The following FAM13C variants were observed in gnomAD, a reference collection of about 807,000 sequenced individuals.
FAM13C encodes family with sequence similarity 13 member C, also known as protein FAM13C.
FAM13C carries 37 observed loss-of-function variants against 73.2 expected under a neutral mutation model. That is an observed-to-expected ratio of 0.51 (90% confidence interval 0.39 to 0.67). The LOEUF is 0.67. Among genes scored for constraint, FAM13C ranks in the 30% least tolerant of loss-of-function variants. The pLI is 0.00. For synonymous variants in FAM13C, 246 were observed against 260.9 expected, an observed-to-expected ratio of 0.94 and a Z score of 0.55; for missense variants, 589 against 715.6, an observed-to-expected ratio of 0.82 and a Z score of 2.02.
At chr10:59,355,662 A>G (rs570346943) in intron 2 of FAM13C, among the ~76,000 whole-genome samples, 2 of 152,358 alleles carry the variant, frequency 1.3e-5, no homozygotes, top group East Asian at 3.9e-4. Context: ...ACAGGCATTT[A>G]TCAAGTGTTC....
chr10:59,340,445 C>T (rs1487830888), intron 3 of FAM13C, among the ~76,000 whole-genome samples: 1 of 152,130 alleles, frequency 6.6e-6, no homozygotes, highest in East Asian at 1.9e-4. Flanking sequence ...ATCCTGGAGA[C>T]AGCAAGGCTG....
rs571149836 is a variant in FAM13C, at chr10:59,287,838, G to A, written c.508-4391C>T. On this transcript the variant is annotated intron_variant, in intron 5 of 13. Transcript: ENST00000618804. ...CTATCTCCAAACCCCAAAGGCTGCC[G>A]GATAGAGCTCTGGCCATGTGGCAAG... Among the ~76,000 whole-genome samples the A allele has an allele frequency of 6.6e-5, 10 of 152,308 alleles. No homozygotes were observed. In the East Asian group the frequency reaches 9.6e-4, roughly 15 times the overall value.
intron 4 of FAM13C, among the ~76,000 whole-genome samples, chr10:59,311,710 G>A (rs1213436443): frequency 6.6e-6 from 1 of 152,224 alleles, no homozygotes; most frequent in East Asian, 1.9e-4. Context: ...TCCCCTGGGA[G>A]CAGCCCGCAG....
Position 59,246,353 on chromosome 10 carries a change from AG to A in FAM13C, c.*1260del. 1 of 243,028 alleles carries A rather than the reference AG, an allele frequency of 4.1e-6. No homozygotes were observed. Among genetic ancestry groups the A allele is most frequent in the Non-Finnish European group, 7.8e-6 (1 of 127,940 alleles). 15.1% of individuals were successfully genotyped at this position (243,028 alleles called of 1,614,324 possible). On this transcript the variant is annotated 3_prime_UTR_variant, in exon 14 of 14. Coordinates refer to ENST00000618804, the MANE Select transcript of FAM13C (RefSeq NM_198215.4). ...GAAGGACATTATTCTGATTCATAAAAGTTATAAAATATTAGGTAAATACAGA... is the reference window on the plus strand; with the variant it reads ...GAAGGACATTATTCTGATTCATAAAATTATAAAATATTAGGTAAATACAGA...
intron 6 of FAM13C, among the ~76,000 whole-genome samples, chr10:59,277,376 A>G (rs1844437376): frequency 6.6e-6 from 1 of 152,214 alleles, no homozygotes; most frequent in African/African-American, 2.4e-5. Context: ...ATTTTTTTAA[A>G]TTGAGATCAT....
At chr10:59,308,100 A>T (rs181851488) in intron 4 of FAM13C, among the ~76,000 whole-genome samples, 1 of 152,170 alleles carries the variant, frequency 6.6e-6, no homozygotes, top group Non-Finnish European at 1.5e-5. Context: ...CCAAAACAAT[A>T]ATAGGAAAGT....
rs1841384292 is a variant in FAM13C, at chr10:59,251,616, G to A, written c.1593C>T (p.Ala531=). 6.2e-7 allele frequency: 1 copy of A among 1,613,222 alleles called. No homozygotes were observed. ...TRADKKRLRK[A]LREFEEQFFK... The stretch of plus-strand genomic sequence containing the variant: ...AAAACTGTTCTTCAAATTCTCTTAA[G>A]GCTTTCCGCAGTCTCTTCTTGTCAG... Residue 531 remains alanine (A), a synonymous_variant, in exon 13 of 14, where the codon GCC becomes GCT. Transcript: ENST00000618804.
intron 3 of FAM13C, 55 bp downstream of exon 3, chr10:59,352,202 CCAGAACCGTGTGG>C: frequency 6.3e-7 from 1 of 1,575,298 alleles, no homozygotes; most frequent in East Asian, 2.2e-5. Context: ...AAATCGTCTG[CCAGAACCGTGTGG>C]CCTAGCCTAA....
At chr10:59,331,138 G>C (rs1336587182) in intron 3 of FAM13C, among the ~76,000 whole-genome samples, 1 of 152,208 alleles carries the variant, frequency 6.6e-6, no homozygotes, top group Non-Finnish European at 1.5e-5. Context: ...TGGCAATGGT[G>C]GTGGGGGATG....
intron 5 of FAM13C, among the ~76,000 whole-genome samples, chr10:59,293,903 C>T (rs185895673): frequency 1.3e-5 from 2 of 152,304 alleles, no homozygotes; most frequent in Admixed American, 1.3e-4. Flanking sequence ...TCAAAGGTCA[C>T]AGCTCTCAGG....
At chr10:59,303,059 T>C (rs1406574506) in intron 4 of FAM13C, among the ~76,000 whole-genome samples, 195 bp from the exon 5 acceptor site, 1 of 152,146 alleles carries the variant, frequency 6.6e-6, no homozygotes, top group Non-Finnish European at 1.5e-5. Flanking sequence ...ACAGCCTCCC[T>C]GGTCCCCTCT....
chr10:59,292,605 C>T (rs1426784602), intron 5 of FAM13C, among the ~76,000 whole-genome samples: 1 of 152,196 alleles, frequency 6.6e-6, no homozygotes, highest in African/African-American at 2.4e-5. Context: ...ATTATAAAAT[C>T]ACATGCCATA....
In FAM13C at chr10:59,321,749, T is replaced by A. The variant is rs565532662; in HGVS notation, c.443+2239A>T. ...ATCAATGCCCATCTCATGACCTCAA[T>A]CCGCTCCAAAATCTCACCTCTACAA... is the stretch of plus-strand genomic sequence containing the variant. On this transcript the variant is annotated intron_variant, in intron 4 of 13. Transcript: ENST00000618804. Among the ~76,000 whole-genome samples, 4 of 152,168 alleles carry A rather than the reference T, an allele frequency of 2.6e-5. No individual in the cohort carries two copies. The South Asian group carries it at 8.3e-4, about 32-fold the overall frequency.
At chr10:59,355,167 T>C (rs1338048274) in intron 2 of FAM13C, among the ~76,000 whole-genome samples, 3 of 152,146 alleles carry the variant, frequency 2.0e-5, no homozygotes, top group Non-Finnish European at 4.4e-5. Context: ...CATCCACATC[T>C]ATATTCTAGC....
intron 8 of FAM13C, among the ~76,000 whole-genome samples, chr10:59,266,364 TG>T (rs1214799457): frequency 6.6e-6 from 1 of 152,116 alleles, no homozygotes; most frequent in East Asian, 1.9e-4. Context: ...ACGTGATACA[TG>T]GGTATCAAAA....
At chr10:59,296,517 T>C (rs887331107) in intron 5 of FAM13C, among the ~76,000 whole-genome samples, 4 of 152,222 alleles carry the variant, frequency 2.6e-5, no homozygotes, top group Non-Finnish European at 4.4e-5. Flanking sequence ...AAATCATCTC[T>C]TTTATACCAA....
At chr10:59,276,189 T>C (rs1844303847) in intron 6 of FAM13C, among the ~76,000 whole-genome samples, 1 of 152,176 alleles carries the variant, frequency 6.6e-6, no homozygotes, top group Admixed American at 6.6e-5. Flanking sequence ...ACCTTTTGCT[T>C]AGGAGAATAA....
chr10:59,324,184 C>T, intron 3 of FAM13C, 78 bp from the exon 4 acceptor site: 1 of 1,187,852 alleles, frequency 8.4e-7, no homozygotes, highest in South Asian at 1.4e-5. Flanking sequence ...GGAAGTGGGT[C>T]TCGGGGCAGG....
intron 8 of FAM13C, among the ~76,000 whole-genome samples, chr10:59,264,929 G>A (rs72808525): frequency 0.13 from 19,999 of 152,082 alleles, 1,692 homozygotes; most frequent in East Asian, 0.26. Flanking sequence ...TATAAAATAT[G>A]CTCAAGGTGA....
Sources: gnomAD v4.1 joint callset for allele counts (sites outside exome capture counted in the v4.1 genomes callset) on GRCh38, gnomAD v4.1.1 for gene constraint, MANE v1.5 for transcripts, NCBI Gene and HGNC (gene_info 2026-07-23, HGNC 2026-07-21) for gene names.